Variants in UBE2N observed in about 807,000 individuals in gnomAD.
UBE2N encodes ubiquitin-conjugating enzyme E2 N.
For missense variants in UBE2N, 60 were observed against 192.1 expected (o/e 0.31, Z 4.07); for synonymous variants, 70 against 69.2 (o/e 1.01, Z -0.06).
rs1877838005 is a variant in UBE2N at position 93,406,705 on chromosome 12, A to G, written c.*3334T>C. On this transcript the variant is annotated 3_prime_UTR_variant, in exon 4 of 4. Coordinates refer to ENST00000318066, the MANE Select transcript of UBE2N (RefSeq NM_003348.4). Reference sequence around the variant, plus strand: ...ACATAGCACTTACATTATAATAGGTATTATAAGTAATCTAAATATTAACAT... The same window carrying G: ...ACATAGCACTTACATTATAATAGGTGTTATAAGTAATCTAAATATTAACAT... 1 of 152,190 alleles carries G rather than the reference A, an allele frequency of 6.6e-6. No homozygotes were observed. The allele number at this position is 152,190 out of a possible 1,614,324, so 9.4% of individuals were successfully genotyped here. A position where few individuals can be genotyped will look rare whatever the true frequency, so the allele number is the denominator to read the frequency against.
intron 1 of UBE2N, among the ~76,000 whole-genome samples, chr12:93,427,525 A>C (rs941270727): frequency 6.6e-6 from 1 of 152,252 alleles, no homozygotes; most frequent in Non-Finnish European, 1.5e-5. Context: ...GTATAATTCC[A>C]TTTATATGAA....
chr12:93,406,931 C>CAA lies in UBE2N; in HGVS notation c.*3107_*3108insTT, dbSNP rs1255451908. 1 of 152,204 alleles carries CAA rather than the reference C, an allele frequency of 6.6e-6. No homozygotes were observed. Among genetic ancestry groups the CAA allele is most frequent in the Non-Finnish European group, 1.5e-5 (1 of 68,040 alleles). 9.4% of individuals were successfully genotyped at this position (152,204 alleles called of 1,614,324 possible). A position where few individuals can be genotyped will look rare whatever the true frequency, so the allele number is the denominator to read the frequency against. ...GGATAACTAGAGCAGAAGCAAATCG[C>CAA]AGCGAAGTAGACTACAACAATCAAG... On this transcript the variant is annotated 3_prime_UTR_variant, in exon 4 of 4. Transcript: ENST00000318066.
In UBE2N at chr12:93,409,926, C is replaced by T; in HGVS notation, c.*113G>A. 14 of 1,056,996 alleles carry T rather than the reference C, an allele frequency of 1.3e-5. No homozygotes were observed. Among genetic ancestry groups the T allele is most frequent in the Non-Finnish European group, 2.0e-5 (14 of 707,256 alleles). 65.5% of individuals were successfully genotyped at this position (1,056,996 alleles called of 1,614,324 possible). ...TTAATCACCAAAGGACTGAAGATGT[C>T]TGGGCTTTTTTATTCTGTAATGTTT... On this transcript the variant is annotated 3_prime_UTR_variant, in exon 4 of 4. Transcript: ENST00000318066.
chr12:93,427,361 T>TC (rs1385573049), intron 1 of UBE2N, among the ~76,000 whole-genome samples: 1 of 152,242 alleles, frequency 6.6e-6, no homozygotes, highest in East Asian at 1.9e-4. Context: ...CTACCTTGCT[T>TC]CCCTTCAGCA....
chr12:93,422,230 C>A (rs1398270336), intron 1 of UBE2N, among the ~76,000 whole-genome samples: 1 of 152,040 alleles, frequency 6.6e-6, no homozygotes, highest in East Asian at 1.9e-4. Flanking sequence ...AATTAGTAGA[C>A]TCGTGGCAGT....
intron 1 of UBE2N, among the ~76,000 whole-genome samples, chr12:93,423,354 A>C (rs1878476226): frequency 6.6e-6 from 1 of 152,216 alleles, no homozygotes; most frequent in Non-Finnish European, 1.5e-5. Flanking sequence ...AAGTGAAGAA[A>C]AGGTTAAGAG....
At chr12:93,435,017 T>A (rs890496647) in intron 1 of UBE2N, among the ~76,000 whole-genome samples, 1 of 152,148 alleles carries the variant, frequency 6.6e-6, no homozygotes, top group Non-Finnish European at 1.5e-5. Context: ...GGGATCTTCC[T>A]GCCTCAGTCT....
At chr12:93,416,022 A>G (rs1878196789) in intron 1 of UBE2N, among the ~76,000 whole-genome samples, 1 of 152,244 alleles carries the variant, frequency 6.6e-6, no homozygotes, top group African/African-American at 2.4e-5. Context: ...TTTAATTGGA[A>G]CACATTCTAA....
chr12:93,416,727 A>G (rs1008891147), intron 1 of UBE2N, among the ~76,000 whole-genome samples: 3 of 151,742 alleles, frequency 2.0e-5, no homozygotes, highest in Non-Finnish European at 4.4e-5. Flanking sequence ...AATAATTTAC[A>G]TTGCAGGTGG....
intron 1 of UBE2N, 119 bp from the exon 2 acceptor site, chr12:93,411,418 C>A (rs1307179820): frequency 7.2e-7 from 1 of 1,386,254 alleles, no homozygotes; most frequent in South Asian, 1.6e-5. Context: ...AATCTCCCAA[C>A]AGATTTAGCT....
In UBE2N at chr12:93,421,880, T is replaced by C. The variant is rs1165250320; in HGVS notation, c.31-10581A>G. Among the ~76,000 whole-genome samples, 5 of 152,312 alleles carry C rather than the reference T, an allele frequency of 3.3e-5. No homozygotes were observed. In the South Asian group the frequency reaches 6.2e-4, roughly 19 times the overall value. The stretch of plus-strand genomic sequence containing the variant: ...CTATTTTGTTCATGGCATTGTGGTA[T>C]TAAATAACTGGAAGGAAGAGTAAAA... On this transcript the variant is annotated intron_variant, in intron 1 of 3. Coordinates refer to ENST00000318066, the MANE Select transcript of UBE2N (RefSeq NM_003348.4).
intron 1 of UBE2N, among the ~76,000 whole-genome samples, 197 bp downstream of exon 1, chr12:93,441,658 C>A (rs900075672): frequency 1.3e-5 from 2 of 152,010 alleles, no homozygotes; most frequent in African/African-American, 4.8e-5. Flanking sequence ...GTCCGGCTGC[C>A]CCGCCGCGGC....
At chr12:93,433,526 T>C (rs1878830935) in intron 1 of UBE2N, among the ~76,000 whole-genome samples, 1 of 152,190 alleles carries the variant, frequency 6.6e-6, no homozygotes, top group South Asian at 2.1e-4. Context: ...GCAAAGAAAA[T>C]TTCAACTCTA....
In UBE2N at chr12:93,430,616, A is replaced by G. The variant is rs112117767; in HGVS notation, c.30+11239T>C. On this transcript the variant is annotated intron_variant, in intron 1 of 3. Transcript: ENST00000318066. ...TACAATAAAGAGACTTCTGATTAAA[A>G]AAAACCAAGAAAAGCGGCAGGCTCA... is the stretch of plus-strand genomic sequence containing the variant. 9.2e-3 allele frequency among the ~76,000 whole-genome samples: 1,400 copies of G among 152,088 alleles called. 22 individuals carry two copies. Among genetic ancestry groups the G allele is most frequent in the African/African-American group, 0.031 (1,284 of 41,492 alleles).
At chr12:93,410,345 T>G in intron 3 of UBE2N, 2 of 491,144 alleles carry the variant, frequency 4.1e-6, no homozygotes, top group Non-Finnish European at 7.1e-6. Context: ...TTCTCCCCAC[T>G]AATTTTCTTA....
chr12:93,406,229 C>T lies in UBE2N; in HGVS notation c.*3810G>A, dbSNP rs1877803843. 7.9e-6 allele frequency: 1 copy of T among 127,146 alleles called. No individual in the cohort carries two copies. Among genetic ancestry groups the T allele is most frequent in the African/African-American group, 3.0e-5 (1 of 33,208 alleles). 7.9% of individuals were successfully genotyped at this position (127,146 alleles called of 1,614,324 possible). A position where few individuals can be genotyped will look rare whatever the true frequency, so the allele number is the denominator to read the frequency against. On this transcript the variant is annotated 3_prime_UTR_variant, in exon 4 of 4. Coordinates refer to ENST00000318066, the MANE Select transcript of UBE2N (RefSeq NM_003348.4). Reference sequence around the variant, plus strand: ...CCTGCAGTGAGCCAAGATCATGCCACAGCACTCCAGCCTAAACTACAGAGC... The same window carrying T: ...CCTGCAGTGAGCCAAGATCATGCCATAGCACTCCAGCCTAAACTACAGAGC...
chr12:93,435,401 G>A (rs1410775576), intron 1 of UBE2N, among the ~76,000 whole-genome samples: 2 of 151,766 alleles, frequency 1.3e-5, no homozygotes, highest in African/African-American at 2.4e-5. Flanking sequence ...TGAACCCAGG[G>A]GGCAGAGGTT....
At position 93,410,866 on chromosome 12, in the gene UBE2N, A is replaced by G; in HGVS notation, c.286T>C (p.Ser96Pro). ...ICLDILKDKWSPALQIRTVLL... is the reference protein window; with the variant it reads ...ICLDILKDKWPPALQIRTVLL... ...ACTGTGCGGATCTGCAGTGCTGGGG[A>G]CCACTTATCTATGAAGGCAACAGGC... The change falls in exon 3 of 4, where the codon TCC becomes CCC. Residue 96 changes from serine to proline, a missense_variant. Transcript: ENST00000318066. The G allele has an allele frequency of 6.2e-7, 1 of 1,614,170 alleles. No individual in the cohort carries two copies. Among genetic ancestry groups the G allele is most frequent in the Non-Finnish European group, 8.5e-7 (1 of 1,180,022 alleles).
Position 93,410,878 on chromosome 12 carries a change from T to C in UBE2N, c.278-4A>G, listed in dbSNP as rs1218594263. ...TGCAGTGCTGGGGACCACTTATCTA[T>C]GAAGGCAACAGGCCCAGTATGATAA... On this transcript the variant is annotated splice_polypyrimidine_tract_variant and splice_region_variant and intron_variant, in intron 2 of 3. Transcript: ENST00000318066. 7 of 1,614,110 alleles carry C rather than the reference T, an allele frequency of 4.3e-6. No homozygotes were observed. Among genetic ancestry groups the C allele is most frequent in the Non-Finnish European group, 5.9e-6 (7 of 1,180,028 alleles).
Sources: gnomAD v4.1 joint callset for allele counts (sites outside exome capture counted in the v4.1 genomes callset) on GRCh38, gnomAD v4.1.1 for gene constraint, MANE v1.5 for transcripts, NCBI Gene and HGNC (gene_info 2026-07-23, HGNC 2026-07-21) for gene names.